The following GRID1 variants were observed in gnomAD, a reference collection of about 807,000 sequenced individuals.
GRID1 encodes glutamate receptor ionotropic, delta-1.
A neutral mutation model predicts 98.0 loss-of-function variants in GRID1; 28 were observed. That is an observed-to-expected ratio of 0.29 (90% CI 0.21 to 0.39). GRID1 has a LOEUF of 0.39. GRID1 is among the 10% of genes least tolerant of loss of function. The pLI is 1.00. For missense variants in GRID1, 1,111 were observed against 1,340.5 expected, an observed-to-expected ratio of 0.83 and a Z score of 2.67; for synonymous variants, 553 against 538.5, an observed-to-expected ratio of 1.03 and a Z score of -0.37.
intron 5 of GRID1, among the ~76,000 whole-genome samples, chr10:85,903,120 C>G (rs1422174404): frequency 6.6e-6 from 1 of 152,176 alleles, no homozygotes; most frequent in Non-Finnish European, 1.5e-5. Context: ...GCTTTACCCT[C>G]CCTCTGAACT....
intron 12 of GRID1, among the ~76,000 whole-genome samples, chr10:85,702,343 G>A (rs1263182755): frequency 4.6e-5 from 7 of 151,952 alleles, no homozygotes; most frequent in Admixed American, 3.9e-4. Context: ...AATCTAATCT[G>A]AAATATGAAA....
intron 5 of GRID1, among the ~76,000 whole-genome samples, chr10:85,882,219 T>A (rs1007643936): frequency 6.6e-6 from 1 of 152,190 alleles, no homozygotes; most frequent in Non-Finnish European, 1.5e-5. Context: ...GTGTGGCGAT[T>A]CCTCAGGGAT....
chr10:85,931,430 C>T (rs1432194941), intron 4 of GRID1, among the ~76,000 whole-genome samples: 2 of 152,182 alleles, frequency 1.3e-5, no homozygotes, highest in East Asian at 1.9e-4. Flanking sequence ...AGAATTTCTA[C>T]TAGAATATTA....
At chr10:86,163,342 C>G (rs2131987922) in intron 3 of GRID1, among the ~76,000 whole-genome samples, 1 of 151,978 alleles carries the variant, frequency 6.6e-6, no homozygotes, top group Middle Eastern at 3.4e-3. Context: ...AGAGACAGAG[C>G]TAGGGGCTGT....
chr10:86,148,046 T>TTTGC (rs1845112862), intron 3 of GRID1, among the ~76,000 whole-genome samples: 1 of 152,238 alleles, frequency 6.6e-6, no homozygotes, highest in Admixed American at 6.5e-5. Context: ...TGGGACCTGC[T>TTTGC]GGCAAGGCAG....
chr10:86,106,669 C>G (rs1250371465), intron 4 of GRID1, among the ~76,000 whole-genome samples: 2 of 152,064 alleles, frequency 1.3e-5, no homozygotes, highest in African/African-American at 4.8e-5. Flanking sequence ...ATTCACTTCT[C>G]TGATTCCTGA....
chr10:86,299,115 G>A (rs996618763), intron 2 of GRID1, among the ~76,000 whole-genome samples: 7 of 151,654 alleles, frequency 4.6e-5, no homozygotes, highest in South Asian at 2.1e-4. Context: ...GAGAGGTAAC[G>A]TCACATACAA....
chr10:86,326,830 A>G (rs2132099561), intron 2 of GRID1, among the ~76,000 whole-genome samples: 1 of 152,298 alleles, frequency 6.6e-6, no homozygotes, highest in Non-Finnish European at 1.5e-5. Flanking sequence ...AAACAAGAAC[A>G]CATTTTTAAA....
chr10:85,925,138 T>C (rs1480212057), intron 4 of GRID1, among the ~76,000 whole-genome samples: 1 of 152,182 alleles, frequency 6.6e-6, no homozygotes, highest in African/African-American at 2.4e-5. Context: ...TATTGGCCAA[T>C]GGATACTTGG....
chr10:85,659,847 A>G (rs913142119), intron 12 of GRID1, among the ~76,000 whole-genome samples: 1 of 152,170 alleles, frequency 6.6e-6, no homozygotes, highest in Non-Finnish European at 1.5e-5. Flanking sequence ...GTGATAAGCT[A>G]TTCTTCCCAC....
intron 5 of GRID1, among the ~76,000 whole-genome samples, chr10:85,892,039 T>C (rs185461145): frequency 6.6e-6 from 1 of 151,444 alleles, no homozygotes; most frequent in African/African-American, 2.4e-5. Context: ...ACATGCATGA[T>C]AGGGAGAAAA....
At chr10:86,007,320 C>A (rs558270777) in intron 4 of GRID1, among the ~76,000 whole-genome samples, 1 of 152,286 alleles carries the variant, frequency 6.6e-6, no homozygotes, top group East Asian at 1.9e-4. Context: ...TGACACTGAC[C>A]GCTGGAATCC....
chr10:85,932,576 C>G (rs570562405), intron 4 of GRID1, among the ~76,000 whole-genome samples: 1 of 152,274 alleles, frequency 6.6e-6, no homozygotes, highest in East Asian at 1.9e-4. Context: ...CTTATGAATT[C>G]TTTGATCTTG....
At chr10:85,945,189 CAT>C (rs1286245652) in intron 4 of GRID1, among the ~76,000 whole-genome samples, 1 of 152,080 alleles carries the variant, frequency 6.6e-6, no homozygotes, top group African/African-American at 2.4e-5. Context: ...GATTATAAAA[CAT>C]ATTAGAATAT....
At chr10:86,247,374 T>C (rs1846748919) in intron 2 of GRID1, among the ~76,000 whole-genome samples, 1 of 151,662 alleles carries the variant, frequency 6.6e-6, no homozygotes, top group South Asian at 2.1e-4. Context: ...GACAGATGGA[T>C]GGATGGATGG....
At chr10:85,836,837 C>A (rs1294307532) in intron 8 of GRID1, among the ~76,000 whole-genome samples, 2 of 142,364 alleles carry the variant, frequency 1.4e-5, no homozygotes, top group Non-Finnish European at 3.2e-5. Context: ...ACCATGCCTG[C>A]TTATAAGGCA....
chr10:86,024,334 G>C (rs1404209578), intron 4 of GRID1, among the ~76,000 whole-genome samples: 1 of 152,156 alleles, frequency 6.6e-6, no homozygotes. Context: ...TAATAAGGTA[G>C]CCAGCCCCCA....
chr10:86,254,762 G>T (rs1846891880), intron 2 of GRID1, among the ~76,000 whole-genome samples: 2 of 152,346 alleles, frequency 1.3e-5, no homozygotes, highest in South Asian at 4.1e-4. Context: ...CCTGTCAGAT[G>T]CCCAGCAGCT....
intron 4 of GRID1, among the ~76,000 whole-genome samples, chr10:86,098,695 T>C (rs1159944824): frequency 3.3e-5 from 5 of 152,232 alleles, no homozygotes; most frequent in Non-Finnish European, 7.3e-5. Context: ...GTTCTTTAAC[T>C]GAGTGGTGAA....
Sources: gnomAD v4.1 joint callset for allele counts (sites outside exome capture counted in the v4.1 genomes callset) on GRCh38, gnomAD v4.1.1 for gene constraint, MANE v1.5 for transcripts, NCBI Gene and HGNC (gene_info 2026-07-23, HGNC 2026-07-21) for gene names.